NRG3: variants seen among roughly 807,000 people sequenced by gnomAD.
The protein encoded by NRG3 is neuregulin 3, also known as pro-neuregulin-3, membrane-bound isoform.
Under a neutral mutation model 66.9 loss-of-function variants are expected in NRG3, and 31 were observed. The observed-to-expected ratio is 0.46, with a 90% CI of 0.35 to 0.63. NRG3 has a LOEUF of 0.63. Ranked by LOEUF, NRG3 falls within the 20% of genes least tolerant of loss-of-function variation. The pLI, the probability that NRG3 is intolerant of heterozygous loss-of-function variation, is 0.00. For missense variants in NRG3, 910 were observed against 878.9 expected, an observed-to-expected ratio of 1.04 and a Z score of -0.45; for synonymous variants, 393 against 359.4, an observed-to-expected ratio of 1.09 and a Z score of -1.06.
intron 2 of NRG3, among the ~76,000 whole-genome samples, chr10:82,729,716 A>G (rs2057793354): frequency 6.6e-6 from 1 of 152,222 alleles, no homozygotes; most frequent in South Asian, 2.1e-4. Flanking sequence ...CAAATGTGTC[A>G]TAATTAGAAG....
At chr10:82,818,520 C>A (rs1484000719) in intron 3 of NRG3, among the ~76,000 whole-genome samples, 1 of 152,120 alleles carries the variant, frequency 6.6e-6, no homozygotes, top group Non-Finnish European at 1.5e-5. Context: ...TTCACTTGTT[C>A]TTTCTCAAGA....
intron 1 of NRG3, among the ~76,000 whole-genome samples, chr10:81,984,303 T>G (rs2060442215): frequency 6.6e-6 from 1 of 152,196 alleles, no homozygotes; most frequent in African/African-American, 2.4e-5. Flanking sequence ...ACCAGTACAC[T>G]CAAAATCATT....
At chr10:82,011,465 C>T (rs530616997) in intron 1 of NRG3, among the ~76,000 whole-genome samples, 13 of 152,270 alleles carry the variant, frequency 8.5e-5, no homozygotes, top group African/African-American at 2.6e-4. Context: ...CATGTCCTCA[C>T]ATTTGAAAAC....
intron 2 of NRG3, among the ~76,000 whole-genome samples, chr10:82,604,718 C>A (rs1262791722): frequency 6.6e-6 from 1 of 152,066 alleles, no homozygotes; most frequent in Non-Finnish European, 1.5e-5. Context: ...TGATGTTTGA[C>A]AAAAGAGCAA....
chr10:81,917,816 A>G (rs1444794986), intron 1 of NRG3, among the ~76,000 whole-genome samples: 1 of 152,188 alleles, frequency 6.6e-6, no homozygotes, highest in East Asian at 1.9e-4. Flanking sequence ...GACAAAACTG[A>G]GAGCATTGGG....
intron 2 of NRG3, among the ~76,000 whole-genome samples, chr10:82,408,089 A>C (rs57532341): frequency 0.023 from 1,254 of 54,170 alleles, 3 homozygotes; most frequent in African/African-American, 0.039. Context: ...GAGAGACAGA[A>C]AGAAAGAAAG....
chr10:82,264,066 G>A (rs1200063330), intron 1 of NRG3, among the ~76,000 whole-genome samples: 1 of 152,086 alleles, frequency 6.6e-6, no homozygotes, highest in Non-Finnish European at 1.5e-5. Context: ...ACTGGGCAAC[G>A]AAGAGAAAAT....
At chr10:82,645,671 T>C (rs1016141649) in intron 2 of NRG3, among the ~76,000 whole-genome samples, 3 of 152,170 alleles carry the variant, frequency 2.0e-5, no homozygotes, top group African/African-American at 7.2e-5. Context: ...TGAACTCTTC[T>C]TGAATACTAC....
At chr10:82,514,160 T>C (rs1845446041) in intron 2 of NRG3, among the ~76,000 whole-genome samples, 1 of 152,224 alleles carries the variant, frequency 6.6e-6, no homozygotes, top group Non-Finnish European at 1.5e-5. Flanking sequence ...CTGATAATAA[T>C]TTCTTTTGCT....
chr10:82,844,445 G>C (rs2063212118), intron 3 of NRG3, among the ~76,000 whole-genome samples: 1 of 152,152 alleles, frequency 6.6e-6, no homozygotes, highest in Non-Finnish European at 1.5e-5. Flanking sequence ...TAAAATCTCT[G>C]ATAGTTGCAG....
intron 1 of NRG3, among the ~76,000 whole-genome samples, chr10:82,122,610 G>T (rs1342827248): frequency 6.6e-6 from 1 of 152,086 alleles, no homozygotes; most frequent in African/African-American, 2.4e-5. Flanking sequence ...CCTTGTCCAG[G>T]CAGTTATATT....
At chr10:82,071,020 T>C (rs1181796482) in intron 1 of NRG3, among the ~76,000 whole-genome samples, 1 of 152,198 alleles carries the variant, frequency 6.6e-6, no homozygotes, top group Non-Finnish European at 1.5e-5. Flanking sequence ...CTTTAATAAA[T>C]GTAATGTCCA....
intron 2 of NRG3, among the ~76,000 whole-genome samples, chr10:82,482,184 A>G (rs1842325728): frequency 6.6e-6 from 1 of 152,166 alleles, no homozygotes; most frequent in South Asian, 2.1e-4. Flanking sequence ...ATTATGCAAA[A>G]TACTTGGGCA....
intron 1 of NRG3, among the ~76,000 whole-genome samples, chr10:82,345,277 C>A (rs1263184407): frequency 7.5e-6 from 1 of 132,514 alleles, no homozygotes; most frequent in Admixed American, 7.1e-5. Context: ...CAGCTTTCTA[C>A]ATATGGCTAG....
At chr10:82,919,064 T>A (rs1591956969) in intron 4 of NRG3, among the ~76,000 whole-genome samples, 2 of 36,262 alleles carry the variant, frequency 5.5e-5, no homozygotes, top group East Asian at 4.0e-3. Flanking sequence ...AGGGGTGGAG[T>A]GTGTGTGTGT....
intron 2 of NRG3, among the ~76,000 whole-genome samples, chr10:82,497,669 T>A (rs1283615689): frequency 6.6e-6 from 1 of 152,122 alleles, no homozygotes; most frequent in Non-Finnish European, 1.5e-5. Flanking sequence ...ATCATTTCCA[T>A]ATCTTGGTTA....
Position 82,238,327 on chromosome 10 carries a change from GAA to G in NRG3, c.824-120403_824-120402del, listed in dbSNP as rs369873851. ...TGCCTGTTCTAAAAAAGCTTAAAAA[GAA>G]AAAAAAAAGTCCTTACTGAGTATAT... On this transcript the variant is annotated intron_variant, in intron 1 of 8. Transcript: ENST00000372141. Among the ~76,000 whole-genome samples the G allele has an allele frequency of 2.1e-5, 3 of 145,136 alleles. No homozygotes were observed. In the East Asian group the frequency reaches 6.0e-4, roughly 29 times the overall value.
intron 1 of NRG3, among the ~76,000 whole-genome samples, chr10:81,988,461 T>A (rs2060610036): frequency 6.6e-6 from 1 of 152,172 alleles, no homozygotes; most frequent in South Asian, 2.1e-4. Flanking sequence ...GTTATTGTTA[T>A]TATTATTGCT....
At chr10:82,418,485 T>C (rs1456168928) in intron 2 of NRG3, among the ~76,000 whole-genome samples, 2 of 149,602 alleles carry the variant, frequency 1.3e-5, no homozygotes, top group African/African-American at 5.1e-5. Flanking sequence ...AGGTATAAGA[T>C]GCTATGTTTG....
Sources: allele counts gnomAD v4.1 joint callset (sites outside exome capture counted in the v4.1 genomes callset), GRCh38; gene constraint gnomAD v4.1.1; transcripts MANE v1.5; gene names NCBI Gene and HGNC (gene_info 2026-07-23, HGNC 2026-07-21).